The following CAV1 variants were observed in gnomAD, a reference collection of about 807,000 sequenced individuals.
CAV1 encodes the protein caveolin 1.
Under a neutral mutation model 16.5 loss-of-function variants are expected in CAV1, and 10 were observed. That is an observed-to-expected ratio of 0.61 (90% CI 0.37 to 1.03). The LOEUF is 1.03. CAV1 is among the 50% of genes least tolerant of loss of function. The pLI, the probability that CAV1 is intolerant of heterozygous loss-of-function variation, is 0.01. For missense variants in CAV1, 212 were observed against 232.8 expected (o/e 0.91, Z 0.58); for synonymous variants, 76 against 85.1 (o/e 0.89, Z 0.59).
chr7:116,557,027 ATAAT>A (rs1794307096), intron 2 of CAV1, among the ~76,000 whole-genome samples: 1 of 152,220 alleles, frequency 6.6e-6, no homozygotes, highest in South Asian at 2.1e-4. Context: ...TAATAGACAA[ATAAT>A]TTGCACAGAA....
At chr7:116,537,789 G>C (rs1247837616) in intron 2 of CAV1, among the ~76,000 whole-genome samples, 1 of 152,202 alleles carries the variant, frequency 6.6e-6, no homozygotes, top group Non-Finnish European at 1.5e-5. Context: ...TTTGAGGAAA[G>C]AGAAGGACCA....
intron 2 of CAV1, among the ~76,000 whole-genome samples, chr7:116,534,996 G>T (rs1469943079): frequency 6.6e-6 from 1 of 152,158 alleles, no homozygotes; most frequent in African/African-American, 2.4e-5. Flanking sequence ...CTTGCTCAAT[G>T]GTTCTCCATC....
At chr7:116,526,259 C>T in intron 1 of CAV1, 1 of 1,240,798 alleles carries the variant, frequency 8.1e-7, no homozygotes, top group South Asian at 1.6e-5. Flanking sequence ...GCCCTGACCC[C>T]TGGCGGCGGG....
intron 2 of CAV1, among the ~76,000 whole-genome samples, chr7:116,555,245 T>A (rs1584784602): frequency 6.6e-6 from 1 of 151,676 alleles, no homozygotes; most frequent in Admixed American, 6.6e-5. Flanking sequence ...GCGTTCAACA[T>A]CAGCCTAGGC....
intron 2 of CAV1, among the ~76,000 whole-genome samples, chr7:116,554,433 G>A (rs144922852): frequency 6.6e-6 from 1 of 152,288 alleles, no homozygotes; most frequent in Non-Finnish European, 1.5e-5. Flanking sequence ...GATATGAATG[G>A]AGTAGGCAGA....
chr7:116,534,337 A>C (rs1316900033), intron 2 of CAV1, among the ~76,000 whole-genome samples: 1 of 132,352 alleles, frequency 7.6e-6, no homozygotes, highest in African/African-American at 2.6e-5. Context: ...AATGTTTACA[A>C]ATACAGATGC....
intron 2 of CAV1, among the ~76,000 whole-genome samples, chr7:116,554,225 G>A (rs777015661): frequency 1.3e-5 from 2 of 152,168 alleles, no homozygotes; most frequent in African/African-American, 2.4e-5. Context: ...AGCTTTGTTG[G>A]ATTCAGTGCA....
Position 116,560,129 on chromosome 7 carries a change from C to T in CAV1, c.*842C>T, listed in dbSNP as rs1164335147. 1 of 309,440 alleles carries T rather than the reference C, an allele frequency of 3.2e-6. No homozygotes were observed. Among genetic ancestry groups the T allele is most frequent in the Non-Finnish European group, 5.9e-6 (1 of 169,544 alleles). 19.2% of individuals were successfully genotyped at this position (309,440 alleles called of 1,614,324 possible). A position where few individuals can be genotyped will look rare whatever the true frequency, so the allele number is the denominator to read the frequency against. On this transcript the variant is annotated 3_prime_UTR_variant, in exon 3 of 3. Coordinates refer to ENST00000341049, the MANE Select transcript of CAV1 (RefSeq NM_001753.5). Reference sequence around the variant, plus strand: ...GGGCTTCATCTGGCAACATCTTTATCCGTAGTGGGTATGGTTGACACTAGC... The same window carrying T: ...GGGCTTCATCTGGCAACATCTTTATTCGTAGTGGGTATGGTTGACACTAGC...
chr7:116,534,210 T>C (rs966465115), intron 2 of CAV1, among the ~76,000 whole-genome samples: 1 of 150,750 alleles, frequency 6.6e-6, no homozygotes, highest in Non-Finnish European at 1.5e-5. Context: ...AGAGTGAGAC[T>C]CCATCACAAA....
At chr7:116,551,177 G>A (rs1337814765) in intron 2 of CAV1, among the ~76,000 whole-genome samples, 2 of 152,182 alleles carry the variant, frequency 1.3e-5, no homozygotes, top group Non-Finnish European at 2.9e-5. Flanking sequence ...AAATGGGGCC[G>A]GAGAATCTGC....
intron 2 of CAV1, among the ~76,000 whole-genome samples, chr7:116,533,101 G>A (rs939915265): frequency 6.6e-6 from 1 of 152,136 alleles, no homozygotes; most frequent in African/African-American, 2.4e-5. Flanking sequence ...CAGCACTTTG[G>A]GAGCTCAAGA....
chr7:116,555,518 AAGAGAGAG>A (rs1187575266), intron 2 of CAV1, among the ~76,000 whole-genome samples: 1 of 14,036 alleles, frequency 7.1e-5, no homozygotes, highest in Non-Finnish European at 1.4e-4. Flanking sequence ...GAAAGAAAGA[AAGAGAGAG>A]AGAGAGAGAG....
chr7:116,528,955 G>C (rs914596000), intron 2 of CAV1, among the ~76,000 whole-genome samples: 6 of 152,004 alleles, frequency 3.9e-5, no homozygotes. Context: ...TCAGCCTCCT[G>C]AGTAGCTGGG....
At chr7:116,544,681 T>C (rs1794004814) in intron 2 of CAV1, among the ~76,000 whole-genome samples, 2 of 152,180 alleles carry the variant, frequency 1.3e-5, no homozygotes, top group African/African-American at 2.4e-5. Context: ...GTCCTTGATG[T>C]AGAAAAGGGT....
Position 116,560,904 on chromosome 7 carries a change from T to G in CAV1, c.*1617T>G, listed in dbSNP as rs1482950004. 1.3e-5 allele frequency: 2 copies of G among 152,650 alleles called. No homozygotes were observed. The highest frequency in any genetic ancestry group is 2.4e-5 in the African/African-American group (1 of 41,462). 9.5% of individuals were successfully genotyped at this position (152,650 alleles called of 1,614,324 possible). ...TTTACTTTTAAACTGTGTACATAACTGAAAATGTGCTATACTGCATACTTT... is the reference window on the plus strand; with the variant it reads ...TTTACTTTTAAACTGTGTACATAACGGAAAATGTGCTATACTGCATACTTT... On this transcript the variant is annotated 3_prime_UTR_variant, in exon 3 of 3. Transcript: ENST00000341049.
At chr7:116,525,227 A>G in intron 1 of CAV1, 135 bp downstream of exon 1, 1 of 1,611,566 alleles carries the variant, frequency 6.2e-7, no homozygotes, top group Non-Finnish European at 8.5e-7. Context: ...TGGCGTTGGC[A>G]CCGCTGAGGA....
intron 2 of CAV1, among the ~76,000 whole-genome samples, chr7:116,541,051 G>GA (rs1265026431): frequency 6.6e-6 from 1 of 152,136 alleles, no homozygotes. Flanking sequence ...AATTGTTCCA[G>GA]AAAATTAAGC....
At chr7:116,558,094 ATGAAGCCT>A (rs780135122) in intron 2 of CAV1, among the ~76,000 whole-genome samples, 3 of 152,118 alleles carry the variant, frequency 2.0e-5, no homozygotes, top group Non-Finnish European at 4.4e-5. Context: ...CTCCCACCTC[ATGAAGCCT>A]TCTTGATGCC....
At chr7:116,536,361 C>G (rs755865938) in intron 2 of CAV1, among the ~76,000 whole-genome samples, 50 of 152,286 alleles carry the variant, frequency 3.3e-4, no homozygotes, top group Non-Finnish European at 5.0e-4. Flanking sequence ...TAAATTATAA[C>G]CCTTGTCTCT....
Sources: allele counts gnomAD v4.1 joint callset (sites outside exome capture counted in the v4.1 genomes callset), GRCh38; gene constraint gnomAD v4.1.1; transcripts MANE v1.5; gene names NCBI Gene and HGNC (gene_info 2026-07-23, HGNC 2026-07-21).